Variants in SYCP2L observed in about 807,000 individuals in gnomAD.
SYCP2L encodes the protein synaptonemal complex protein 2 like.
In SYCP2L, 98 loss-of-function variants were observed where a neutral mutation model predicts 125.8. The observed-to-expected ratio is 0.78, with a 90% confidence interval of 0.66 to 0.92. SYCP2L has a LOEUF of 0.92. Ranked by LOEUF, SYCP2L falls within the 40% of genes least tolerant of loss-of-function variation. The pLI is 0.00. For synonymous variants in SYCP2L, 317 were observed against 325.4 expected, an observed-to-expected ratio of 0.97 and a Z score of 0.28; for missense variants, 842 against 936.4, an observed-to-expected ratio of 0.90 and a Z score of 1.32.
At chr6:10,890,896 T>G (rs1181786812) in intron 1 of SYCP2L, among the ~76,000 whole-genome samples, 2 of 152,234 alleles carry the variant, frequency 1.3e-5, no homozygotes, top group Non-Finnish European at 2.9e-5. Context: ...CTTCCACATA[T>G]AAATATCCAG....
At chr6:10,945,101 G>C (rs1237944) in intron 23 of SYCP2L, among the ~76,000 whole-genome samples, 96,637 of 152,036 alleles carry the variant, frequency 0.64, 31,425 homozygotes, top group Middle Eastern at 0.73. Flanking sequence ...GGAGCTTTTA[G>C]CTATCTTTTT....
chr6:10,900,376 CAG>C (rs1363851148), intron 6 of SYCP2L, among the ~76,000 whole-genome samples: 2 of 149,198 alleles, frequency 1.3e-5, no homozygotes, highest in Non-Finnish European at 3.0e-5. Flanking sequence ...TTTTTTGAGA[CAG>C]AGTCTCACAC....
intron 23 of SYCP2L, among the ~76,000 whole-genome samples, chr6:10,950,733 C>A (rs987606461): frequency 1.3e-5 from 2 of 152,082 alleles, no homozygotes; most frequent in African/African-American, 4.8e-5. Context: ...AATTTCGGGT[C>A]ACTGCAGCCT....
chr6:10,922,529 G>A (rs1780816826), intron 14 of SYCP2L, among the ~76,000 whole-genome samples: 1 of 150,678 alleles, frequency 6.6e-6, no homozygotes, highest in South Asian at 2.1e-4. Context: ...GCAGTGGTGC[G>A]ATCTCAGCTC....
intron 6 of SYCP2L, among the ~76,000 whole-genome samples, chr6:10,899,994 A>G (rs1209812141): frequency 6.6e-6 from 1 of 152,222 alleles, no homozygotes; most frequent in Non-Finnish European, 1.5e-5. Flanking sequence ...CATATTTGAA[A>G]AACAGTGCAG....
chr6:10,930,317 T>G (rs1780968288), intron 18 of SYCP2L, 53 bp from the exon 19 acceptor site: 4 of 1,567,704 alleles, frequency 2.6e-6, no homozygotes, highest in Non-Finnish European at 3.5e-6. Flanking sequence ...TAGTTATACA[T>G]AAGAGGCACT....
intron 29 of SYCP2L, among the ~76,000 whole-genome samples, chr6:10,971,457 C>CAAAAAAA (rs564161444): frequency 3.0e-5 from 3 of 99,354 alleles, no homozygotes; most frequent in African/African-American, 3.7e-5. Context: ...GACTCTGTCT[C>CAAAAAAA]AAAAAAAAAA....
chr6:10,929,715 A>T lies in SYCP2L; in HGVS notation c.1489-655A>T, dbSNP rs148324594. 6.9e-3 allele frequency among the ~76,000 whole-genome samples: 1,046 copies of T among 152,206 alleles called. 16 individuals are homozygous for T. The highest frequency in any genetic ancestry group is 0.024 in the African/African-American group (1,001 of 41,532). Reference sequence around the variant, plus strand: ...TTTGGGAGGCCAAGGTGGGTGGATCATCTGAGGTCAGGAGTTTGAGACCAG... The same window carrying T: ...TTTGGGAGGCCAAGGTGGGTGGATCTTCTGAGGTCAGGAGTTTGAGACCAG... On this transcript the variant is annotated intron_variant, in intron 18 of 29. Coordinates refer to ENST00000283141, the MANE Select transcript of SYCP2L (RefSeq NM_001040274.3).
chr6:10,903,220 G>T lies in SYCP2L; in HGVS notation c.641+257G>T, dbSNP rs1474393321. 2.0e-5 allele frequency among the ~76,000 whole-genome samples: 3 copies of T among 152,108 alleles called. No homozygotes were observed. The East Asian group carries it at 5.8e-4, about 29-fold the overall frequency. On this transcript the variant is annotated intron_variant, in intron 8 of 29. Transcript: ENST00000283141. ...GGGGCCAAGGCGGGCAGATCATGAG[G>T]TCAGGAGATCGAGACCATCCTGGCT...
At position 10,927,361 on chromosome 6, in the gene SYCP2L, T is replaced by C. The variant is rs1333703219; in HGVS notation, c.1434T>C (p.Asp478=). ...CTGTTATTGGGGAACCTGCCTCTGA[T>C]AGTCACGTAGGTTCTTTTCTATTTT... ...EPPVIGEPAS[D]SHLQPVPPFG... The change falls in exon 17 of 30, where the codon GAT becomes GAC. Residue 478 remains aspartate, a synonymous_variant. Transcript: ENST00000283141. 5 of 1,610,966 alleles carry C rather than the reference T, an allele frequency of 3.1e-6. No homozygotes were observed. The East Asian group carries it at 6.7e-5, about 22-fold the overall frequency.
intron 23 of SYCP2L, among the ~76,000 whole-genome samples, chr6:10,946,702 C>T (rs1781319548): frequency 6.6e-6 from 1 of 151,904 alleles, no homozygotes; most frequent in Admixed American, 6.6e-5. Context: ...GTCAATCTAC[C>T]AGTCATTCTT....
Position 10,954,685 on chromosome 6 carries a change from A to G in SYCP2L, c.1955-431A>G, listed in dbSNP as rs963233625. The stretch of plus-strand genomic sequence containing the variant: ...CCTCGTTTATGACGTAGCCTTCAGC[A>G]TAGCGCCGATGTGCCCGTGTCACCA... On this transcript the variant is annotated intron_variant, in intron 23 of 29. Coordinates refer to ENST00000283141, the MANE Select transcript of SYCP2L (RefSeq NM_001040274.3). The surrounding 1 kb of genome is among the most constrained non-coding windows in gnomAD (Gnocchi z 4.8). Among the ~76,000 whole-genome samples, 1 of 152,228 alleles carries G rather than the reference A, an allele frequency of 6.6e-6. No individual in the cohort carries two copies. The highest frequency in any genetic ancestry group is 2.4e-5 in the African/African-American group (1 of 41,466).
At chr6:10,915,081 A>G (rs368370180) in intron 14 of SYCP2L, among the ~76,000 whole-genome samples, 28 of 152,010 alleles carry the variant, frequency 1.8e-4, no homozygotes, top group African/African-American at 6.3e-4. Flanking sequence ...TTTTGCATCT[A>G]TGGTAAAAGG....
At chr6:10,917,993 A>AG (rs1239281296) in intron 14 of SYCP2L, among the ~76,000 whole-genome samples, 1 of 152,118 alleles carries the variant, frequency 6.6e-6, no homozygotes, top group East Asian at 1.9e-4. Context: ...TCTAGCTTGT[A>AG]GGATTTCTGC....
In SYCP2L at chr6:10,961,481, A is replaced by C. The variant is rs760696668; in HGVS notation, c.2356-19A>C. 1.9e-6 allele frequency: 3 copies of C among 1,613,900 alleles called. No individual in the cohort carries two copies. The South Asian group carries it at 3.3e-5, about 18-fold the overall frequency. ...AAAATAACGCTAGCTACTTAAACAA[A>C]ACTTTTGTTCAATCTTAGGAATTCT... is the stretch of plus-strand genomic sequence containing the variant. On this transcript the variant is annotated intron_variant, in intron 27 of 29. Transcript: ENST00000283141.
At position 10,894,002 on chromosome 6, in the gene SYCP2L, A is replaced by G; in HGVS notation, c.214A>G (p.Lys72Glu). The G allele has an allele frequency of 3.1e-6, 5 of 1,603,604 alleles. No homozygotes were observed. Among genetic ancestry groups the G allele is most frequent in the Non-Finnish European group, 4.2e-6 (5 of 1,177,492 alleles). ...LLYRLDRSIN[K>E]ELDKNEFQSV... ...ATACCGTCTTGACAGATCAATAAAT[A>G]AGGCAAGTTGGTTTGCTTTGTGACC... Residue 72 changes from lysine to glutamate, a missense_variant and splice_region_variant, in exon 3 of 30, where the codon AAG becomes GAG. Transcript: ENST00000283141.
At chr6:10,887,738 T>C (rs1434643423) in intron 1 of SYCP2L, among the ~76,000 whole-genome samples, 1 of 152,168 alleles carries the variant, frequency 6.6e-6, no homozygotes, top group Non-Finnish European at 1.5e-5. Flanking sequence ...GTTAGTTTGT[T>C]AGTGAGGACG....
intron 8 of SYCP2L, among the ~76,000 whole-genome samples, chr6:10,904,506 A>G (rs1357734885): frequency 3.9e-5 from 6 of 152,204 alleles, no homozygotes; most frequent in Non-Finnish European, 1.5e-5. Flanking sequence ...AATTTTTCCT[A>G]AACAAATTTT....
At chr6:10,949,675 A>G (rs114778147) in intron 23 of SYCP2L, among the ~76,000 whole-genome samples, 4,509 of 150,830 alleles carry the variant, frequency 0.03, 234 homozygotes, top group African/African-American at 0.1. Context: ...GTTAATATCA[A>G]TAAAGCAACA....
Sources: gnomAD v4.1 joint callset for allele counts (sites outside exome capture counted in the v4.1 genomes callset) on GRCh38, gnomAD v4.1.1 for gene constraint, Gnocchi (gnomAD v3.1) non-coding constraint, MANE v1.5 for transcripts, NCBI Gene and HGNC (gene_info 2026-07-23, HGNC 2026-07-21) for gene names.